Variants in DST observed in about 807,000 individuals in gnomAD.
DST encodes the protein dystonin.
Under a neutral mutation model 875.2 loss-of-function variants are expected in DST, and 253 were observed. That is an observed-to-expected ratio of 0.29 (90% confidence interval 0.26 to 0.32). DST has a LOEUF of 0.32. Among genes scored for constraint, DST ranks in the 10% least tolerant of loss-of-function variants. DST has a pLI of 1.00. For missense variants in DST, 8,287 were observed against 9,111.6 expected, an observed-to-expected ratio of 0.91 and a Z score of 3.68; for synonymous variants, 3,124 against 3,197.1, an observed-to-expected ratio of 0.98 and a Z score of 0.77.
At chr6:56,932,097 T>C (rs1810627119) in intron 2 of DST, among the ~76,000 whole-genome samples, 1 of 152,168 alleles carries the variant, frequency 6.6e-6, no homozygotes, top group South Asian at 2.1e-4. Context: ...TCTTGAATTG[T>C]ACTCCCATAA....
chr6:56,825,391 A>G (rs2099779124), intron 4 of DST, among the ~76,000 whole-genome samples: 1 of 150,356 alleles, frequency 6.7e-6, no homozygotes, highest in Non-Finnish European at 1.5e-5. Flanking sequence ...TGCCTAGGAA[A>G]ACCAGAGACC....
chr6:56,747,288 G>T (rs2099575511), intron 4 of DST, among the ~76,000 whole-genome samples: 1 of 152,070 alleles, frequency 6.6e-6, no homozygotes, highest in Admixed American at 6.5e-5. Context: ...GCTTTTTTGT[G>T]TATCTCCTCC....
intron 9 of DST, among the ~76,000 whole-genome samples, chr6:56,697,656 A>G (rs940081282): frequency 1.3e-5 from 2 of 152,206 alleles, no homozygotes; most frequent in Non-Finnish European, 2.9e-5. Flanking sequence ...CTCCCTCCGA[A>G]GCCTGAATGC....
chr6:56,497,071 G>A (rs1043809447), intron 82 of DST, among the ~76,000 whole-genome samples: 7 of 152,136 alleles, frequency 4.6e-5, no homozygotes, highest in South Asian at 4.1e-4. Flanking sequence ...GCTAAATGAC[G>A]AGTTAATGGG....
At chr6:56,766,051 T>C (rs1021054881) in intron 4 of DST, among the ~76,000 whole-genome samples, 1 of 152,200 alleles carries the variant, frequency 6.6e-6, no homozygotes, top group Non-Finnish European at 1.5e-5. Context: ...TACAGCCTCA[T>C]GGGACCAAAA....
At chr6:56,591,981 CAAAAAA>C (rs34682914) in intron 49 of DST, among the ~76,000 whole-genome samples, 195 bp downstream of exon 49, 5 of 63,942 alleles carry the variant, frequency 7.8e-5, no homozygotes, top group Non-Finnish European at 1.1e-4. Context: ...GACTCCATCT[CAAAAAA>C]AAAAAAAAAA....
In DST at chr6:56,704,366, G is replaced by C. The variant is rs778764176; in HGVS notation, c.691C>G (p.Arg231Gly). ...TCATAGAGATCATTCACATGTTTTC[G>C]AACCTATAAAGAGAAAAGCAAAATT... Reference protein sequence around the residue: ...KWINQHLMKVRKHVNDLYEDL... With the variant: ...KWINQHLMKVGKHVNDLYEDL... The change falls in exon 6 of 104, where the codon CGA becomes GGA. Residue 231 changes from arginine to glycine, a missense_variant. This residue lies in a region of DST where 1,160 missense variants were observed against 1,424.3 expected (regional missense o/e 0.81). Transcript: ENST00000680361. The C allele has an allele frequency of 6.5e-7, 1 of 1,543,436 alleles. No individual in the cohort carries two copies. The highest frequency in any genetic ancestry group is 8.8e-7 in the Non-Finnish European group (1 of 1,140,988).
intron 58 of DST, among the ~76,000 whole-genome samples, chr6:56,559,548 T>C (rs748366743): frequency 2.6e-5 from 4 of 152,168 alleles, no homozygotes; most frequent in South Asian, 2.1e-4. Context: ...TATATACTTA[T>C]ATAGCACTTG....
chr6:56,857,418 A>G (rs151294001), intron 3 of DST, among the ~76,000 whole-genome samples: 7 of 152,274 alleles, frequency 4.6e-5, no homozygotes, highest in Non-Finnish European at 7.4e-5. Flanking sequence ...GATAGTTTTG[A>G]TCTAAGAAAT....
intron 63 of DST, among the ~76,000 whole-genome samples, chr6:56,534,417 A>G (rs556436835): frequency 1.3e-5 from 2 of 152,264 alleles, no homozygotes; most frequent in South Asian, 4.2e-4. Flanking sequence ...TCAGGGGCAC[A>G]AAAACTATCA....
At chr6:56,897,255 T>G (rs1380335955) in intron 3 of DST, among the ~76,000 whole-genome samples, 2 of 149,594 alleles carry the variant, frequency 1.3e-5, no homozygotes, top group Non-Finnish European at 3.0e-5. Context: ...AGGAAACTGA[T>G]TCTCAGAGAA....
chr6:56,670,933 A>AT (rs2099097970), intron 9 of DST, 126 bp from the exon 10 acceptor site: 1 of 543,464 alleles, frequency 1.8e-6, no homozygotes, highest in Non-Finnish European at 3.1e-6. Context: ...GCTTCATGAG[A>AT]TTGTTAAGAG....
rs373020551 is a variant in DST at position 56,603,277 on chromosome 6, G to A, written c.11085C>T (p.Thr3695=). 400 of 1,609,950 alleles carry A rather than the reference G, an allele frequency of 2.5e-4. 2 individuals carry two copies. In the Middle Eastern group the frequency reaches 3.3e-3, roughly 13 times the overall value. The change falls in exon 42 of 104, where the codon ACC becomes ACT. Residue 3695 remains threonine (T), a synonymous_variant. Transcript: ENST00000680361. ...ACACGTTGCTGAGGGAAGAGAAGGC[G>A]GTCTTCAAACTCTGGTGGCTAATAC... ...ELSISHQSLK[T]AFSSLSNVSS... is the part of the protein sequence containing the mutation.
intron 5 of DST, among the ~76,000 whole-genome samples, chr6:56,719,528 G>GAC (rs1209384210): frequency 6.6e-6 from 1 of 152,192 alleles, no homozygotes; most frequent in Admixed American, 6.5e-5. Flanking sequence ...CTTTAACCTT[G>GAC]ACACACACGT....
chr6:56,566,525 C>G (rs559664836), intron 55 of DST, among the ~76,000 whole-genome samples: 1 of 152,306 alleles, frequency 6.6e-6, no homozygotes. Flanking sequence ...CCGTGGGCTG[C>G]ACCCACTGTC....
At chr6:56,781,110 C>T (rs533978899) in intron 4 of DST, among the ~76,000 whole-genome samples, 89 of 152,206 alleles carry the variant, frequency 5.8e-4, no homozygotes, top group African/African-American at 2.0e-3. Context: ...CAGTACCATG[C>T]TGTTTTGGTT....
intron 3 of DST, among the ~76,000 whole-genome samples, chr6:56,894,359 T>G: frequency 1.0e-5 from 1 of 97,190 alleles, no homozygotes; most frequent in African/African-American, 5.6e-5. Flanking sequence ...AGGGGGGCTG[T>G]TCCCCCCACC....
chr6:56,683,736 G>A (rs1040419252), intron 9 of DST, among the ~76,000 whole-genome samples: 8 of 152,168 alleles, frequency 5.3e-5, no homozygotes, highest in Middle Eastern at 3.2e-3. Flanking sequence ...ACCCTGCCAT[G>A]TAAACTTTGT....
At chr6:56,763,950 T>C (rs888950508) in intron 4 of DST, among the ~76,000 whole-genome samples, 2 of 152,080 alleles carry the variant, frequency 1.3e-5, no homozygotes, top group Non-Finnish European at 2.9e-5. Context: ...CTACATACTA[T>C]AAATATACAG....
Sources: gnomAD v4.1 joint callset for allele counts (sites outside exome capture counted in the v4.1 genomes callset) on GRCh38, gnomAD v4.1.1 for gene constraint, gnomAD v4.1.1 regional missense constraint, MANE v1.5 for transcripts, NCBI Gene and HGNC (gene_info 2026-07-23, HGNC 2026-07-21) for gene names.